The following KNTC1 variants were observed in gnomAD, a reference collection of about 807,000 sequenced individuals.
The protein encoded by KNTC1 is kinetochore-associated protein 1.
A neutral mutation model predicts 314.4 loss-of-function variants in KNTC1; 253 were observed. That is an observed-to-expected ratio of 0.80 (90% CI 0.73 to 0.89). The LOEUF is 0.89. KNTC1 is among the 40% of genes least tolerant of loss of function. The pLI is 0.00. For synonymous variants in KNTC1, 901 were observed against 901.4 expected, an observed-to-expected ratio of 1.00 and a Z score of 0.01; for missense variants, 2,475 against 2,572.9, an observed-to-expected ratio of 0.96 and a Z score of 0.82.
At chr12:122,596,417 C>T (rs1871060087) in intron 43 of KNTC1, among the ~76,000 whole-genome samples, 1 of 151,522 alleles carries the variant, frequency 6.6e-6, no homozygotes, top group African/African-American at 2.4e-5. Context: ...TGGGGTTTCA[C>T]CATATTGGTC....
chr12:122,614,602 C>A (rs979924052), intron 55 of KNTC1, among the ~76,000 whole-genome samples: 2 of 151,964 alleles, frequency 1.3e-5, no homozygotes, highest in African/African-American at 4.8e-5. Flanking sequence ...ATTTTGTGGC[C>A]GGGCGCAGTG....
chr12:122,590,569 G>A, intron 40 of KNTC1, 38 bp from the exon 41 acceptor site: 1 of 1,568,138 alleles, frequency 6.4e-7, no homozygotes, highest in Non-Finnish European at 8.7e-7. Flanking sequence ...TGTTTTGATT[G>A]TGAAGAATTT....
At chr12:122,622,670 T>G in intron 62 of KNTC1, 63 bp downstream of exon 62, 1 of 1,320,290 alleles carries the variant, frequency 7.6e-7, no homozygotes, top group South Asian at 1.5e-5. Context: ...CTTTATAAGC[T>G]GGGCACGATG....
At chr12:122,613,443 A>T (rs1411903102) in intron 54 of KNTC1, 183 bp from the exon 55 acceptor site, 1 of 660,118 alleles carries the variant, frequency 1.5e-6, no homozygotes, top group Non-Finnish European at 2.5e-6. Flanking sequence ...TAGAAACTGA[A>T]TGTTTTATTT....
In KNTC1 at chr12:122,576,977, C is replaced by A. The variant is rs917175141; in HGVS notation, c.2669C>A (p.Ser890Tyr). The part of the protein sequence containing the change: ...ALKVAQAFML[S>Y]DDEIYSLRII... ...AAGGTAGCCCAAGCGTTTATGTTATCTGATGATGAGATCTACAGTCTAAGA... is the reference window on the plus strand; with the variant it reads ...AAGGTAGCCCAAGCGTTTATGTTATATGATGATGAGATCTACAGTCTAAGA... The change falls in exon 30 of 64, where the codon TCT (serine) becomes TAT (tyrosine). Residue 890 changes from serine (S) to tyrosine (Y), a missense_variant. Ser to Tyr is a moderately radical substitution (Grantham distance 144). Transcript: ENST00000333479. The A allele has an allele frequency of 3.1e-6, 5 of 1,594,366 alleles. No individual in the cohort carries two copies. The Admixed American group carries it at 8.8e-5, about 28-fold the overall frequency.
At chr12:122,562,175 G>A (rs941958397) in intron 19 of KNTC1, among the ~76,000 whole-genome samples, 2 of 152,124 alleles carry the variant, frequency 1.3e-5, no homozygotes, top group African/African-American at 4.8e-5. Flanking sequence ...ATAAACTGTT[G>A]TACATAGTAC....
chr12:122,552,114 GC>G (rs1410358112), intron 16 of KNTC1, among the ~76,000 whole-genome samples: 1 of 152,062 alleles, frequency 6.6e-6, no homozygotes, highest in Non-Finnish European at 1.5e-5. Context: ...CACCATTTTG[GC>G]CAGGCTGGCC....
intron 11 of KNTC1, 130 bp downstream of exon 11, chr12:122,547,660 A>G: frequency 1.5e-6 from 1 of 684,730 alleles, no homozygotes; most frequent in East Asian, 2.7e-5. Flanking sequence ...CAGAGTAAAG[A>G]CCGTTTGCAA....
intron 49 of KNTC1, 26 bp from the exon 50 acceptor site, chr12:122,604,851 T>C: frequency 6.4e-7 from 1 of 1,571,526 alleles, no homozygotes; most frequent in Non-Finnish European, 8.6e-7. Context: ...AGTAAGATTT[T>C]CTTTTTGCTT....
At chr12:122,556,827 GT>G (rs535165258) in intron 16 of KNTC1, among the ~76,000 whole-genome samples, 18 of 135,374 alleles carry the variant, frequency 1.3e-4, no homozygotes, top group African/African-American at 3.0e-4. Flanking sequence ...ATCATATAGT[GT>G]TTTTTTTTTA....
At chr12:122,528,839 T>C (rs983001068) in intron 1 of KNTC1, among the ~76,000 whole-genome samples, 2 of 150,518 alleles carry the variant, frequency 1.3e-5, no homozygotes, top group South Asian at 4.2e-4. Flanking sequence ...CGGCAAACTG[T>C]ATATATATAT....
chr12:122,605,040 C>A lies in KNTC1; in HGVS notation c.5339C>A (p.Pro1780His). The A allele has an allele frequency of 7.4e-6, 12 of 1,613,018 alleles. No individual in the cohort carries two copies. The highest frequency in any genetic ancestry group is 1.0e-5 in the Non-Finnish European group (12 of 1,179,554). The change falls in exon 50 of 64, where the codon CCT (proline) becomes CAT (histidine). Residue 1780 changes from proline to histidine, a missense_variant. Transcript: ENST00000333479. ...AHLIVSLYEH[P>H]SINQRIQNSS... is the part of the protein sequence containing the mutation. ...CTTATTGTCAGTCTCTACGAACATC[C>A]TAGCATCAATCAAAGAATTCAGAAT...
intron 13 of KNTC1, among the ~76,000 whole-genome samples, chr12:122,550,971 A>G (rs148391063): frequency 7.9e-4 from 121 of 152,334 alleles, no homozygotes; most frequent in African/African-American, 2.8e-3. Context: ...ACATCACGTT[A>G]AGAGGCTCAT....
chr12:122,591,297 C>CT, intron 41 of KNTC1, 40 bp from the exon 42 acceptor site: 1 of 1,006,018 alleles, frequency 9.9e-7, no homozygotes, highest in Non-Finnish European at 1.6e-6. Flanking sequence ...AGAATACATT[C>CT]TACTTACGAT....
intron 41 of KNTC1, 94 bp from the exon 42 acceptor site, chr12:122,591,243 A>G (rs1428865944): frequency 1.3e-6 from 1 of 762,950 alleles, no homozygotes; most frequent in Non-Finnish European, 2.4e-6. Flanking sequence ...GTTGATCACA[A>G]AGTTATGATT....
intron 43 of KNTC1, among the ~76,000 whole-genome samples, chr12:122,595,540 A>G (rs576101013): frequency 1.3e-5 from 2 of 152,332 alleles, no homozygotes; most frequent in South Asian, 4.1e-4. Flanking sequence ...CTGGGCAGGC[A>G]TCTAGTTCTT....
rs1593519414 is a variant in KNTC1, at chr12:122,551,372, G to A, written c.1130+10G>A. 1 of 1,592,478 alleles carries A rather than the reference G, an allele frequency of 6.3e-7. No individual in the cohort carries two copies. Among genetic ancestry groups the A allele is most frequent in the Admixed American group, 1.7e-5 (1 of 57,992 alleles). ...GCAAAAATGATCCAAAGTAGGTCATGTTTTACCGTGTTAAGTAATAGCTAT... is the reference window on the plus strand; with the variant it reads ...GCAAAAATGATCCAAAGTAGGTCATATTTTACCGTGTTAAGTAATAGCTAT... On this transcript the variant is annotated intron_variant, in intron 14 of 63. Coordinates refer to ENST00000333479, the MANE Select transcript of KNTC1 (RefSeq NM_014708.6).
chr12:122,572,874 G>T, intron 24 of KNTC1, 63 bp from the exon 25 acceptor site: 1 of 1,264,942 alleles, frequency 7.9e-7, no homozygotes, highest in African/African-American at 1.5e-5. Context: ...AAATAATTCT[G>T]ATTCTATTTT....
At chr12:122,562,439 TTGTG>T (rs4039211) in intron 19 of KNTC1, among the ~76,000 whole-genome samples, 195 bp from the exon 20 acceptor site, 30,872 of 144,712 alleles carry the variant, frequency 0.21, 3,330 homozygotes, top group Admixed American at 0.29. Flanking sequence ...ATCCCATGTT[TTGTG>T]TGTGTGTGTG....
Sources: allele counts gnomAD v4.1 joint callset (sites outside exome capture counted in the v4.1 genomes callset), GRCh38; gene constraint gnomAD v4.1.1; transcripts MANE v1.5; gene names NCBI Gene and HGNC (gene_info 2026-07-23, HGNC 2026-07-21).